Variants in STX8 observed in about 807,000 individuals in gnomAD.
The protein encoded by STX8 is syntaxin-8.
Under a neutral mutation model 37.5 loss-of-function variants are expected in STX8, and 23 were observed. The observed-to-expected ratio is 0.61, with a 90% CI of 0.44 to 0.87. The LOEUF (loss-of-function observed/expected upper bound fraction) is 0.87, where lower values mean the gene tolerates loss of function less well. STX8 is among the 40% of genes least tolerant of loss of function. STX8 has a pLI of 0.00. For synonymous variants in STX8, 115 were observed against 99.1 expected (o/e 1.16, Z -0.95); for missense variants, 313 against 284.7 (o/e 1.10, Z -0.71).
chr17:9,366,452 G>C (rs1031942729), intron 7 of STX8, among the ~76,000 whole-genome samples: 1 of 152,150 alleles, frequency 6.6e-6, no homozygotes, highest in African/African-American at 2.4e-5. Flanking sequence ...GGCTGGTCTT[G>C]AACTCCTGAC....
chr17:9,378,650 A>G lies in STX8; in HGVS notation c.545T>C (p.Ile182Thr). Residue 182 changes from isoleucine to threonine, a missense_variant, in exon 7 of 8, where the codon ATA becomes ACA. By Grantham distance (89) the Ile-to-Thr change is moderately conservative. Coordinates refer to ENST00000306357, the MANE Select transcript of STX8 (RefSeq NM_004853.3). ...IGNELDEQNE[I>T]IDDLANLVEN... ...CACTAGGTTGGCAAGGTCGTCAATT[A>G]TCTCTAGAAAGGAAACATACATGAT... 6.2e-7 allele frequency: 1 copy of G among 1,612,204 alleles called. No homozygotes were observed. The highest frequency in any genetic ancestry group is 8.5e-7 in the Non-Finnish European group (1 of 1,178,388).
chr17:9,343,773 C>T (rs1055429585), intron 7 of STX8, among the ~76,000 whole-genome samples: 1 of 152,162 alleles, frequency 6.6e-6, no homozygotes, highest in Non-Finnish European at 1.5e-5. Flanking sequence ...TTGGCCCTCC[C>T]CATCTGCCGG....
intron 7 of STX8, among the ~76,000 whole-genome samples, chr17:9,344,349 T>A (rs983040569): frequency 4.0e-5 from 6 of 151,856 alleles, no homozygotes; most frequent in African/African-American, 1.5e-4. Flanking sequence ...CAACCTCTGC[T>A]TCCTGGGTTC....
intron 7 of STX8, among the ~76,000 whole-genome samples, chr17:9,255,771 T>G (rs7211610): frequency 0.24 from 37,238 of 152,080 alleles, 5,156 homozygotes; most frequent in Admixed American, 0.34. Flanking sequence ...TGGTATATAC[T>G]GAGGGTCAAC....
Position 9,366,243 on chromosome 17 carries a change from GT to G in STX8, c.643+12308del, listed in dbSNP as rs555745856. Among the ~76,000 whole-genome samples, 516 of 152,228 alleles carry G rather than the reference GT, an allele frequency of 3.4e-3. 1 individual carries two copies. Among genetic ancestry groups the G allele is most frequent in the African/African-American group, 0.012 (487 of 41,546 alleles). On this transcript the variant is annotated intron_variant, in intron 7 of 7. Coordinates refer to ENST00000306357, the MANE Select transcript of STX8 (RefSeq NM_004853.3). ...GCCTGTGTTACATTTTTGTTTGTTT[GT>G]TTTTTGAAACAGAGTCTCACTTTGT...
At chr17:9,255,729 CAG>C (rs61624111) in intron 7 of STX8, among the ~76,000 whole-genome samples, 2,225 of 152,080 alleles carry the variant, frequency 0.015, 62 homozygotes, top group African/African-American at 0.05. Context: ...TCAGAGCAAA[CAG>C]GGGGAGACTT....
intron 6 of STX8, among the ~76,000 whole-genome samples, chr17:9,450,229 C>T (rs1904995093): frequency 6.6e-6 from 1 of 150,722 alleles, no homozygotes; most frequent in Middle Eastern, 3.5e-3. Flanking sequence ...GTATGCGCCA[C>T]CACGCCCGGC....
chr17:9,569,842 G>A (rs1053886753), intron 1 of STX8: 1 of 152,172 alleles, frequency 6.6e-6, no homozygotes, highest in Non-Finnish European at 1.5e-5. Flanking sequence ...AGCTACTTGG[G>A]AGGCTGAGGC....
At chr17:9,295,117 T>C (rs975153500) in intron 7 of STX8, among the ~76,000 whole-genome samples, 24 of 152,258 alleles carry the variant, frequency 1.6e-4, no homozygotes, top group African/African-American at 5.5e-4. Flanking sequence ...GTGAGCCTTG[T>C]TGGCCCTGCC....
At chr17:9,417,256 AAAG>A (rs1471012345) in intron 6 of STX8, among the ~76,000 whole-genome samples, 1 of 152,200 alleles carries the variant, frequency 6.6e-6, no homozygotes, top group Non-Finnish European at 1.5e-5. Context: ...TAGTGGGCAA[AAAG>A]AACACGTTAG....
chr17:9,275,527 T>C, intron 7 of STX8, among the ~76,000 whole-genome samples: 1 of 152,226 alleles, frequency 6.6e-6, no homozygotes, highest in South Asian at 2.1e-4. Context: ...ACTTCCCATC[T>C]GTGTGATCAT....
intron 2 of STX8, among the ~76,000 whole-genome samples, chr17:9,564,092 A>G (rs1907360268): frequency 6.6e-6 from 1 of 152,202 alleles, no homozygotes; most frequent in Non-Finnish European, 1.5e-5. Context: ...AACATACCTC[A>G]AAATAATAAG....
chr17:9,378,533 TA>T lies in STX8; in HGVS notation c.643+18del. ...ACAAGCTATGACAGAAACAGAGCCATAACGTAGCTATCTCTTACCACAAGAG... is the reference window on the plus strand; with the variant it reads ...ACAAGCTATGACAGAAACAGAGCCATACGTAGCTATCTCTTACCACAAGAG... On this transcript the variant is annotated intron_variant, in intron 7 of 7. Transcript: ENST00000306357. 1 of 1,596,304 alleles carries T rather than the reference TA, an allele frequency of 6.3e-7. No homozygotes were observed. Among genetic ancestry groups the T allele is most frequent in the East Asian group, 2.2e-5 (1 of 44,766 alleles).
chr17:9,289,877 T>C (rs1908255343), intron 7 of STX8, among the ~76,000 whole-genome samples: 1 of 152,140 alleles, frequency 6.6e-6, no homozygotes, highest in Admixed American at 6.5e-5. Flanking sequence ...CTAATTACAA[T>C]AAACTACGTA....
intron 7 of STX8, among the ~76,000 whole-genome samples, chr17:9,347,893 T>C (rs1368425968): frequency 6.6e-6 from 1 of 152,226 alleles, no homozygotes; most frequent in African/African-American, 2.4e-5. Flanking sequence ...ATATAATATA[T>C]AGCTTTTTGT....
At chr17:9,569,475 G>C (rs73975734) in intron 1 of STX8, 1 of 153,976 alleles carries the variant, frequency 6.5e-6, no homozygotes, top group African/African-American at 2.4e-5. Flanking sequence ...CAAATGCTCC[G>C]GGGACAAAGG....
At chr17:9,285,758 A>G (rs1477304986) in intron 7 of STX8, among the ~76,000 whole-genome samples, 1 of 152,242 alleles carries the variant, frequency 6.6e-6, no homozygotes, top group Non-Finnish European at 1.5e-5. Flanking sequence ...TACATGTACC[A>G]ATGCCTGGTC....
intron 6 of STX8, among the ~76,000 whole-genome samples, chr17:9,463,933 G>A (rs1672094392): frequency 6.6e-6 from 1 of 151,878 alleles, no homozygotes; most frequent in Non-Finnish European, 1.5e-5. Context: ...AATTTAGCTG[G>A]GTGTGGTGGT....
chr17:9,293,110 C>T (rs981736127), intron 7 of STX8, among the ~76,000 whole-genome samples: 1 of 152,178 alleles, frequency 6.6e-6, no homozygotes, highest in East Asian at 1.9e-4. Context: ...AGCCAGGGAC[C>T]TCCATGTCTC....
Sources: gnomAD v4.1 joint callset for allele counts (sites outside exome capture counted in the v4.1 genomes callset) on GRCh38, gnomAD v4.1.1 for gene constraint, MANE v1.5 for transcripts, NCBI Gene and HGNC (gene_info 2026-07-23, HGNC 2026-07-21) for gene names.